The following LRRTM4 variants were observed in gnomAD, a reference collection of about 807,000 sequenced individuals.
The protein encoded by LRRTM4 is leucine-rich repeat transmembrane neuronal protein 4.
A neutral mutation model predicts 47.6 loss-of-function variants in LRRTM4; 25 were observed. That is an observed-to-expected ratio of 0.53 (90% CI 0.38 to 0.73). The LOEUF (loss-of-function observed/expected upper bound fraction) is 0.73. Among genes scored for constraint, LRRTM4 ranks in the 30% least tolerant of loss-of-function variants. The pLI is 0.00. For missense variants in LRRTM4, 638 were observed against 713.4 expected (o/e 0.89, Z 1.20); for synonymous variants, 311 against 269.5 (o/e 1.15, Z -1.51).
intron 3 of LRRTM4, among the ~76,000 whole-genome samples, chr2:77,202,171 G>T (rs11126593): frequency 6.6e-6 from 1 of 151,944 alleles, no homozygotes; most frequent in Non-Finnish European, 1.5e-5. Flanking sequence ...CCAGATATTG[G>T]CAAAAGTGAT....
At position 77,380,625 on chromosome 2, in the gene LRRTM4, G is replaced by A. The variant is rs955927922; in HGVS notation, c.1551+137693C>T. Among the ~76,000 whole-genome samples the A allele has an allele frequency of 5.3e-5, 8 of 151,822 alleles. No homozygotes were observed. In the South Asian group the frequency reaches 6.2e-4, roughly 12 times the overall value. On this transcript the variant is annotated intron_variant, in intron 3 of 3. Transcript: ENST00000409884. ...CATCTGGCCAATATGGTGAAACCCCGTCTGTACTAAAAATGCAAAAATTAG... is the reference window on the plus strand; with the variant it reads ...CATCTGGCCAATATGGTGAAACCCCATCTGTACTAAAAATGCAAAAATTAG...
At chr2:76,760,277 T>C (rs756991190) in intron 3 of LRRTM4, among the ~76,000 whole-genome samples, 3 of 152,176 alleles carry the variant, frequency 2.0e-5, no homozygotes, top group Non-Finnish European at 2.9e-5. Flanking sequence ...GCTAAAGATA[T>C]TAGAATGACT....
At chr2:76,826,124 A>C (rs2103876725) in intron 3 of LRRTM4, among the ~76,000 whole-genome samples, 1 of 151,910 alleles carries the variant, frequency 6.6e-6, no homozygotes, top group South Asian at 2.1e-4. Flanking sequence ...ATTTTCCATA[A>C]GATTTGCTAC....
At chr2:77,291,535 A>G (rs368263647) in intron 3 of LRRTM4, among the ~76,000 whole-genome samples, 1 of 152,132 alleles carries the variant, frequency 6.6e-6, no homozygotes, top group African/African-American at 2.4e-5. Context: ...AAAGTTCAAA[A>G]GCTTGAAGGT....
chr2:77,358,295 G>C (rs1432286359), intron 3 of LRRTM4, among the ~76,000 whole-genome samples: 2 of 152,082 alleles, frequency 1.3e-5, no homozygotes, highest in African/African-American at 4.8e-5. Context: ...AAGATGAAAG[G>C]CAAAATGTTC....
chr2:77,156,602 T>A (rs1030560670), intron 3 of LRRTM4, among the ~76,000 whole-genome samples: 4 of 151,924 alleles, frequency 2.6e-5, no homozygotes, highest in Admixed American at 2.6e-4. Flanking sequence ...CCATATATAA[T>A]TTAGAAATAC....
chr2:77,335,565 C>T (rs1671133102), intron 3 of LRRTM4, among the ~76,000 whole-genome samples: 1 of 152,176 alleles, frequency 6.6e-6, no homozygotes, highest in African/African-American at 2.4e-5. Context: ...CTTGCCCCAG[C>T]CTATCCACTT....
chr2:77,478,184 T>G (rs1201503134), intron 3 of LRRTM4, among the ~76,000 whole-genome samples: 1 of 152,200 alleles, frequency 6.6e-6, no homozygotes, highest in Non-Finnish European at 1.5e-5. Context: ...ATCCCACAGA[T>G]TAAGTTGATC....
intron 3 of LRRTM4, among the ~76,000 whole-genome samples, chr2:76,921,960 GC>G (rs1412665129): frequency 1.3e-5 from 2 of 152,078 alleles, no homozygotes; most frequent in African/African-American, 4.8e-5. Flanking sequence ...CACGTTCATT[GC>G]AGCATTATTC....
chr2:76,758,829 T>C (rs573101719), intron 3 of LRRTM4, among the ~76,000 whole-genome samples: 1 of 152,172 alleles, frequency 6.6e-6, no homozygotes, highest in Non-Finnish European at 1.5e-5. Context: ...AAAGGGTCAA[T>C]AGTAAACATT....
At chr2:77,376,409 A>C (rs1343318009) in intron 3 of LRRTM4, among the ~76,000 whole-genome samples, 1 of 151,070 alleles carries the variant, frequency 6.6e-6, no homozygotes, top group Non-Finnish European at 1.5e-5. Context: ...TGATTTCACA[A>C]GATTTTTTTT....
At chr2:77,052,789 A>T (rs1404422069) in intron 3 of LRRTM4, among the ~76,000 whole-genome samples, 2 of 152,104 alleles carry the variant, frequency 1.3e-5, no homozygotes, top group East Asian at 3.9e-4. Flanking sequence ...ATGTTCTTAC[A>T]ATACAAAGGA....
At chr2:77,337,533 C>T (rs910810198) in intron 3 of LRRTM4, among the ~76,000 whole-genome samples, 1 of 152,044 alleles carries the variant, frequency 6.6e-6, no homozygotes, top group Non-Finnish European at 1.5e-5. Flanking sequence ...CCATGCTGTT[C>T]TCATGATAGT....
chr2:77,072,374 G>A (rs577525097), intron 3 of LRRTM4, among the ~76,000 whole-genome samples: 12 of 151,946 alleles, frequency 7.9e-5, no homozygotes, highest in Non-Finnish European at 1.5e-4. Context: ...CATTGCAATT[G>A]AAACATTATT....
chr2:77,384,222 A>G (rs1156522795), intron 3 of LRRTM4, among the ~76,000 whole-genome samples: 1 of 150,914 alleles, frequency 6.6e-6, no homozygotes, highest in Non-Finnish European at 1.5e-5. Flanking sequence ...AGGTAGATAA[A>G]GTTTTTTTTT....
chr2:76,855,849 T>C (rs781163885), intron 3 of LRRTM4, among the ~76,000 whole-genome samples: 1 of 152,030 alleles, frequency 6.6e-6, no homozygotes, highest in Non-Finnish European at 1.5e-5. Flanking sequence ...AACGCTGTTA[T>C]TGAAGGGTAA....
chr2:76,780,617 T>C (rs1674321340), intron 3 of LRRTM4, among the ~76,000 whole-genome samples: 1 of 152,178 alleles, frequency 6.6e-6, no homozygotes, highest in Admixed American at 6.5e-5. Context: ...CATCACCTCC[T>C]TTAAGCACTT....
At chr2:76,809,624 G>T (rs1339378000) in intron 3 of LRRTM4, among the ~76,000 whole-genome samples, 1 of 152,000 alleles carries the variant, frequency 6.6e-6, no homozygotes, top group Non-Finnish European at 1.5e-5. Flanking sequence ...CCCTACCTTT[G>T]GTTAAATGTA....
At chr2:77,011,742 T>C (rs984585053) in intron 3 of LRRTM4, among the ~76,000 whole-genome samples, 8 of 152,096 alleles carry the variant, frequency 5.3e-5, no homozygotes. Flanking sequence ...TAGTTAACAT[T>C]ATCTTATTGG....
Sources: allele counts gnomAD v4.1 joint callset (sites outside exome capture counted in the v4.1 genomes callset), GRCh38; gene constraint gnomAD v4.1.1; transcripts MANE v1.5; gene names NCBI Gene and HGNC (gene_info 2026-07-23, HGNC 2026-07-21).